Variants in TERF2 observed in about 807,000 individuals in gnomAD.
The protein encoded by TERF2 is telomeric repeat-binding factor 2.
TERF2 carries 16 observed loss-of-function variants against 56.1 expected under a neutral mutation model. The observed-to-expected ratio is 0.29, with a 90% confidence interval of 0.19 to 0.43. TERF2 has a LOEUF of 0.43. TERF2 is among the 20% of genes least tolerant of loss of function. The pLI is 1.00. For missense variants in TERF2, 547 were observed against 712.9 expected, an observed-to-expected ratio of 0.77 and a Z score of 2.65; for synonymous variants, 296 against 282.1, an observed-to-expected ratio of 1.05 and a Z score of -0.50.
intron 7 of TERF2, among the ~76,000 whole-genome samples, chr16:69,363,261 T>A (rs1352717803): frequency 6.6e-6 from 1 of 152,174 alleles, no homozygotes. Flanking sequence ...GGAACCTCAG[T>A]CCCCAGCTGG....
At chr16:69,364,238 G>A (rs1031135915) in intron 7 of TERF2, among the ~76,000 whole-genome samples, 1 of 152,144 alleles carries the variant, frequency 6.6e-6, no homozygotes, top group African/African-American at 2.4e-5. Flanking sequence ...TGCCAACCCT[G>A]CCTTCCCTCC....
chr16:69,363,132 T>C lies in TERF2; in HGVS notation c.1341-1643A>G, dbSNP rs562606056. Among the ~76,000 whole-genome samples the C allele has an allele frequency of 1.1e-4, 17 of 152,338 alleles. No individual in the cohort carries two copies. The South Asian group carries it at 1.9e-3, about 17-fold the overall frequency. On this transcript the variant is annotated intron_variant, in intron 7 of 9. Transcript: ENST00000254942. The stretch of plus-strand genomic sequence containing the variant: ...TACTTGAGACAAAGTGAAAACATTT[T>C]ACAGGAGGTTTTTCCTTCTCAGGAT...
intron 3 of TERF2, among the ~76,000 whole-genome samples, chr16:69,375,161 G>C (rs1441807919): frequency 3.3e-5 from 5 of 152,120 alleles, no homozygotes; most frequent in Non-Finnish European, 7.4e-5. Context: ...TTCATCCACT[G>C]AAGGACATTT....
chr16:69,356,742 G>GTGAGCCGAGA lies in TERF2; in HGVS notation c.*146_*155dup, dbSNP rs2012917733. The GTGAGCCGAGA allele has an allele frequency of 2.0e-5, 16 of 789,102 alleles. No homozygotes were observed. The South Asian group carries it at 3.6e-4, about 18-fold the overall frequency. 48.9% of individuals were successfully genotyped at this position (789,102 alleles called of 1,614,324 possible). On this transcript the variant is annotated 3_prime_UTR_variant, in exon 10 of 10. Transcript: ENST00000254942. ...GTGAGCCCGGGAGACGGAGGTCGCAGTGAGCCGAGATCACGCCACTGCACT... is the reference window on the plus strand; with the variant it reads ...GTGAGCCCGGGAGACGGAGGTCGCAGTGAGCCGAGATGAGCCGAGATCACGCCACTGCACT...
intron 7 of TERF2, among the ~76,000 whole-genome samples, chr16:69,362,868 C>G (rs957909272): frequency 6.6e-6 from 1 of 152,054 alleles, no homozygotes; most frequent in Non-Finnish European, 1.5e-5. Flanking sequence ...AGAATAGAGA[C>G]AAATTTCTGT....
chr16:69,359,824 T>C (rs1197590524), intron 8 of TERF2, among the ~76,000 whole-genome samples: 1 of 151,584 alleles, frequency 6.6e-6, no homozygotes, highest in Non-Finnish European at 1.5e-5. Flanking sequence ...TTTCACCATA[T>C]TGGCCATGCT....
intron 3 of TERF2, among the ~76,000 whole-genome samples, chr16:69,378,641 A>G (rs773246092): frequency 6.6e-6 from 1 of 152,142 alleles, no homozygotes; most frequent in Non-Finnish European, 1.5e-5. Context: ...GAAGGAAAAA[A>G]TGGTAAACTA....
At position 69,367,195 on chromosome 16, in the gene TERF2, G is replaced by C; in HGVS notation, c.952C>G (p.Leu318Val). 3 of 1,600,498 alleles carry C rather than the reference G, an allele frequency of 1.9e-6. No individual in the cohort carries two copies. The highest frequency in any genetic ancestry group is 1.7e-6 in the Non-Finnish European group (2 of 1,170,596). ...CCAATGGTGGTTGGAGGATTCCGTA[G>C]CTGCCTGCAAATCAAGCATAGGCAC... is the stretch of plus-strand genomic sequence containing the variant. Reference protein sequence around the residue: ...EKPPREPARQLRNPPTTIGMM... With the variant: ...EKPPREPARQVRNPPTTIGMM... The change falls in exon 7 of 10, where the codon CTA becomes GTA. Residue 318 changes from leucine to valine, a missense_variant. Physicochemically the swap from Leu to Val is conservative, Grantham distance 32. Around this residue, in one of 6 missense-constraint regions of TERF2, gnomAD observed 211 missense variants for 236.8 expected, o/e 0.89. Transcript: ENST00000254942.
rs1453182981 is a variant in TERF2 at position 69,356,397 on chromosome 16, T to C, written c.*501A>G. Reference sequence around the variant, plus strand: ...ATCTCTGCCAAGGACATGGGTGGACTTGGCTCTGCTTCTTAGCTCCATGAT... The same window carrying C: ...ATCTCTGCCAAGGACATGGGTGGACCTGGCTCTGCTTCTTAGCTCCATGAT... On this transcript the variant is annotated 3_prime_UTR_variant, in exon 10 of 10. Coordinates refer to ENST00000254942, the MANE Select transcript of TERF2 (RefSeq NM_005652.5). 1.6e-5 allele frequency: 5 copies of C among 309,328 alleles called. No individual in the cohort carries two copies. The highest frequency in any genetic ancestry group is 2.5e-5 in the Non-Finnish European group (4 of 157,858). 19.2% of individuals were successfully genotyped at this position (309,328 alleles called of 1,614,324 possible). A position where few individuals can be genotyped will look rare whatever the true frequency, so the allele number is the denominator to read the frequency against.
chr16:69,362,034 T>C (rs1473399342), intron 7 of TERF2, among the ~76,000 whole-genome samples: 1 of 151,554 alleles, frequency 6.6e-6, no homozygotes, highest in Non-Finnish European at 1.5e-5. Flanking sequence ...ATGCCTCTTC[T>C]ATTCCCTAAT....
chr16:69,385,960 TC>T lies in TERF2; in HGVS notation c.11del (p.Gly4GlufsTer155). 1 of 1,355,000 alleles carries T rather than the reference TC, an allele frequency of 7.4e-7. No individual in the cohort carries two copies. The highest frequency in any genetic ancestry group is 1.7e-5 in the South Asian group (1 of 59,864). 83.9% of individuals were successfully genotyped at this position (1,355,000 alleles called of 1,614,324 possible). A position where few individuals can be genotyped will look rare whatever the true frequency, so the allele number is the denominator to read the frequency against. On this transcript the variant is annotated frameshift_variant, in exon 1 of 10. Transcript: ENST00000254942. LOFTEE classifies it high-confidence loss of function. ...CGGAAGCGGGGCCCGCCGTCCCGGC[TC>T]CCGCGGCCATGATAGAAACAGCGTT... is the stretch of plus-strand genomic sequence containing the variant. MAA[G>X]AGTAGPASGP... is the part of the protein sequence containing the mutation.
intron 5 of TERF2, 64 bp from the exon 6 acceptor site, chr16:69,368,546 T>G: frequency 6.3e-7 from 1 of 1,597,478 alleles, no homozygotes; most frequent in Non-Finnish European, 8.5e-7. Context: ...CTCTGCTTCT[T>G]TCACCAAGAA....
In TERF2 at chr16:69,366,952, T is replaced by C. The variant is rs1275325268; in HGVS notation, c.1195A>G (p.Met399Val). 8 of 1,614,144 alleles carry C rather than the reference T, an allele frequency of 5.0e-6. No homozygotes were observed. Among genetic ancestry groups the C allele is most frequent in the Non-Finnish European group, 6.8e-6 (8 of 1,180,054 alleles). The change falls in exon 7 of 10, where the codon ATG becomes GTG. Residue 399 changes from methionine (M) to valine (V), a missense_variant. Physicochemically the swap from Met to Val is conservative, Grantham distance 21. Transcript: ENST00000254942. The part of the protein sequence containing the change: ...GSELQPKNKR[M>V]TISRLVLEED... ...TCCAAGACCAATCTGCTTATTGTCA[T>C]GCGCTTGTTCTTGGGCTGCAGTTCC...
intron 3 of TERF2, among the ~76,000 whole-genome samples, chr16:69,376,079 C>T (rs975487518): frequency 6.6e-6 from 1 of 152,094 alleles, no homozygotes; most frequent in African/African-American, 2.4e-5. Flanking sequence ...AAGTCCTATT[C>T]ATCAATTTTT....
Position 69,367,079 on chromosome 16 carries a change from A to G in TERF2, c.1068T>C (p.Val356=). The G allele has an allele frequency of 6.2e-7, 1 of 1,614,204 alleles. No homozygotes were observed. The highest frequency in any genetic ancestry group is 8.5e-7 in the Non-Finnish European group (1 of 1,180,028). ...AFAKLDQKDL[V]LPTQALPASP... The stretch of plus-strand genomic sequence containing the variant: ...ATGCTGGGAGAGCTTGAGTAGGAAG[A>G]ACCAGATCCTTCTGGTCCAGTTTTG... Residue 356 remains valine (V), a synonymous_variant, in exon 7 of 10, where the codon GTT becomes GTC. Coordinates refer to ENST00000254942, the MANE Select transcript of TERF2 (RefSeq NM_005652.5).
Position 69,356,252 on chromosome 16 carries a change from T to G in TERF2, c.*646A>C. 2.2e-6 allele frequency: 1 copy of G among 451,062 alleles called. No homozygotes were observed. Among genetic ancestry groups the G allele is most frequent in the Non-Finnish European group, 4.4e-6 (1 of 225,392 alleles). 27.9% of individuals were successfully genotyped at this position (451,062 alleles called of 1,614,324 possible). On this transcript the variant is annotated 3_prime_UTR_variant, in exon 10 of 10. Coordinates refer to ENST00000254942, the MANE Select transcript of TERF2 (RefSeq NM_005652.5). ...TCATGGAGTCACAAGTGGCTCCTAA[T>G]AGACTTCACCATTTCCTAGGAGAAG...
chr16:69,385,917 C>T lies in TERF2; in HGVS notation c.55G>A (p.Asp19Asn), dbSNP rs998415453. The T allele has an allele frequency of 1.4e-6, 2 of 1,390,994 alleles. No homozygotes were observed. The highest frequency in any genetic ancestry group is 1.9e-6 in the Non-Finnish European group (2 of 1,071,810). The allele number at this position is 1,390,994 out of a possible 1,614,324, so 86.2% of individuals were successfully genotyped here. ...GPASGPGVVR[D>N]PAASQPRKRP... Reference sequence around the variant, plus strand: ...TTCCTCGGCTGTGACGCCGCTGGGTCACGCACGACGCCCGGGCCGGAAGCG... The same window carrying T: ...TTCCTCGGCTGTGACGCCGCTGGGTTACGCACGACGCCCGGGCCGGAAGCG... The change falls in exon 1 of 10, where the codon GAC becomes AAC. Residue 19 changes from aspartate to asparagine, a missense_variant. By Grantham distance (23) the Asp-to-Asn change is conservative. Transcript: ENST00000254942.
intron 3 of TERF2, among the ~76,000 whole-genome samples, chr16:69,374,465 AC>A (rs2013693674): frequency 6.6e-6 from 1 of 151,326 alleles, no homozygotes; most frequent in South Asian, 2.1e-4. Flanking sequence ...ACCCATCTCT[AC>A]AAAAAAGTAG....
Position 69,370,501 on chromosome 16 carries a change from G to C in TERF2, c.822C>G (p.Ala274=), listed in dbSNP as rs772859112. 2 of 1,614,192 alleles carry C rather than the reference G, an allele frequency of 1.2e-6. No homozygotes were observed. The highest frequency in any genetic ancestry group is 1.7e-6 in the Non-Finnish European group (2 of 1,180,030). ...GGCGCACCGTGAGGAGGTAGGGCTC[G>C]GCGTCATCCAGGTGGCTCTCCAGGA... ...LRFLESHLDD[A]EPYLLTMAKK... Residue 274 remains alanine, a synonymous_variant, in exon 5 of 10, where the codon GCC becomes GCG. Transcript: ENST00000254942.
Sources: allele counts gnomAD v4.1 joint callset (sites outside exome capture counted in the v4.1 genomes callset), GRCh38; gene constraint gnomAD v4.1.1; regional missense constraint gnomAD v4.1.1; transcripts MANE v1.5; gene names NCBI Gene and HGNC (gene_info 2026-07-23, HGNC 2026-07-21).